SCN7A: variants seen among roughly 807,000 people sequenced by gnomAD.
SCN7A encodes the protein sodium channel protein type 7 subunit alpha.
SCN7A carries 138 observed loss-of-function variants against 155.2 expected under a neutral mutation model. The observed-to-expected ratio is 0.89, with a 90% CI of 0.77 to 1.02. The LOEUF is 1.02. Among genes scored for constraint, SCN7A ranks in the 50% least tolerant of loss-of-function variants. The probability of loss-of-function intolerance (pLI) is 0.00; values close to 1 mark genes in which losing one functional copy is unlikely to be tolerated. For missense variants in SCN7A, 2,058 were observed against 1,986.6 expected (o/e 1.04, Z -0.68); for synonymous variants, 693 against 649.0 (o/e 1.07, Z -1.03).
chr2:166,437,569 C>A (rs939985939), intron 15 of SCN7A, among the ~76,000 whole-genome samples: 8 of 152,134 alleles, frequency 5.3e-5, no homozygotes, highest in Admixed American at 4.6e-4. Context: ...ATGGTAGACA[C>A]ACTGACAGCC....
At chr2:166,408,677 C>T (rs1701129673) in intron 25 of SCN7A, among the ~76,000 whole-genome samples, 2 of 151,804 alleles carry the variant, frequency 1.3e-5, no homozygotes, top group Non-Finnish European at 2.9e-5. Context: ...TAGTTAGTTG[C>T]ATTGTTTCCA....
intron 11 of SCN7A, among the ~76,000 whole-genome samples, chr2:166,451,953 A>C (rs1465968028): frequency 6.6e-6 from 1 of 152,182 alleles, no homozygotes; most frequent in Non-Finnish European, 1.5e-5. Context: ...TTTCAGAGAT[A>C]ATACACTTTT....
intron 2 of SCN7A, among the ~76,000 whole-genome samples, chr2:166,478,050 T>C (rs16852186): frequency 0.013 from 1,950 of 151,972 alleles, 49 homozygotes; most frequent in African/African-American, 0.044. Context: ...ATTATTTCCC[T>C]GTGAGACATA....
intron 11 of SCN7A, among the ~76,000 whole-genome samples, chr2:166,453,828 C>T (rs1188429352): frequency 6.6e-6 from 1 of 152,054 alleles, no homozygotes; most frequent in Non-Finnish European, 1.5e-5. Flanking sequence ...GATCAGTGAC[C>T]TGTAGAGCCC....
At chr2:166,423,494 A>C (rs1701557031) in intron 18 of SCN7A, 62 bp from the exon 19 acceptor site, 1 of 1,439,010 alleles carries the variant, frequency 6.9e-7, no homozygotes. Context: ...AACTCTTTTG[A>C]CATAAAAGCG....
chr2:166,480,452 C>G (rs1229685976), intron 2 of SCN7A, among the ~76,000 whole-genome samples: 1 of 125,640 alleles, frequency 8.0e-6, no homozygotes, highest in Admixed American at 8.1e-5. Flanking sequence ...AGCGAGACTC[C>G]GTCTCAAAAA....
chr2:166,470,830 G>C, intron 6 of SCN7A, 124 bp from the exon 7 acceptor site: 1 of 760,662 alleles, frequency 1.3e-6, no homozygotes, highest in South Asian at 2.5e-5. Context: ...TTGATCACAT[G>C]ATTCCATATT....
At chr2:166,441,120 T>C (rs1166110699) in intron 15 of SCN7A, 1 of 437,186 alleles carries the variant, frequency 2.3e-6, no homozygotes, top group East Asian at 3.4e-5. Context: ...CCTACTATAT[T>C]ATCATTAAAA....
chr2:166,475,736 T>C (rs970696561), intron 3 of SCN7A, among the ~76,000 whole-genome samples: 11 of 151,982 alleles, frequency 7.2e-5, no homozygotes, highest in Admixed American at 3.9e-4. Context: ...ATTTAAGAGC[T>C]GAAACTGTTT....
At chr2:166,485,008 T>C (rs1409780453) in intron 2 of SCN7A, among the ~76,000 whole-genome samples, 2 of 152,060 alleles carry the variant, frequency 1.3e-5, no homozygotes, top group Non-Finnish European at 2.9e-5. Flanking sequence ...AGAATAGATT[T>C]ATAAAAATAA....
rs750841322 is a variant in SCN7A at position 166,429,165 on chromosome 2, T to G, written c.2698+4A>C. The G allele has an allele frequency of 2.0e-6, 3 of 1,507,584 alleles. No individual in the cohort carries two copies. Among genetic ancestry groups the G allele is most frequent in the Non-Finnish European group, 2.7e-6 (3 of 1,124,186 alleles). The allele number at this position is 1,507,584 out of a possible 1,614,324, so 93.4% of individuals were successfully genotyped here. ...TCCTAGCAAGATTAACAAAATTTTC[T>G]TACCATTTTTCAGATGCTTTGATCT... is the stretch of plus-strand genomic sequence containing the variant. On this transcript the variant is annotated splice_donor_region_variant and intron_variant, in intron 17 of 25. Coordinates refer to ENST00000643258, the MANE Select transcript of SCN7A (RefSeq NM_002976.4).
In SCN7A at chr2:166,462,533, A is replaced by G. The variant is rs1553519418; in HGVS notation, c.942-3T>C. 1 of 1,611,862 alleles carries G rather than the reference A, an allele frequency of 6.2e-7. No homozygotes were observed. Among genetic ancestry groups the G allele is most frequent in the South Asian group, 1.1e-5 (1 of 90,756 alleles). On this transcript the variant is annotated splice_region_variant and splice_polypyrimidine_tract_variant and intron_variant, in intron 9 of 25. Transcript: ENST00000643258. ...ACACATATCCTTCAGGACACTGACT[A>G]AAGAAGACAAAGAAAAAAACCTGCT... is the stretch of plus-strand genomic sequence containing the variant.
At chr2:166,454,303 A>C (rs1702233220) in intron 11 of SCN7A, among the ~76,000 whole-genome samples, 1 of 152,174 alleles carries the variant, frequency 6.6e-6, no homozygotes, top group African/African-American at 2.4e-5. Flanking sequence ...TCTGTGGCTT[A>C]CTCATATATA....
chr2:166,414,267 C>T (rs1482114244), intron 21 of SCN7A, among the ~76,000 whole-genome samples: 495 of 28,070 alleles, frequency 0.018, 24 homozygotes, highest in African/African-American at 0.047. Context: ...TATATATACA[C>T]ACACATATAT....
At chr2:166,478,816 T>C (rs188748061) in intron 2 of SCN7A, among the ~76,000 whole-genome samples, 1 of 152,156 alleles carries the variant, frequency 6.6e-6, no homozygotes, top group East Asian at 1.9e-4. Context: ...TCTTTACCTA[T>C]TTCAAGTTAT....
intron 9 of SCN7A, among the ~76,000 whole-genome samples, chr2:166,463,506 A>G (rs538587329): frequency 1.3e-5 from 2 of 152,346 alleles, no homozygotes; most frequent in South Asian, 4.1e-4. Flanking sequence ...TTTACCATGC[A>G]GCCAAGTATG....
chr2:166,433,558 T>G (rs181964323), intron 15 of SCN7A, among the ~76,000 whole-genome samples: 1 of 152,096 alleles, frequency 6.6e-6, no homozygotes, highest in Non-Finnish European at 1.5e-5. Context: ...TATCAAACGA[T>G]CAAAGGTTAC....
At chr2:166,470,148 G>A (rs1225499518) in intron 7 of SCN7A, among the ~76,000 whole-genome samples, 2 of 151,784 alleles carry the variant, frequency 1.3e-5, no homozygotes, top group Admixed American at 6.6e-5. Flanking sequence ...CACATTGATG[G>A]AAGATGAATT....
At chr2:166,407,355 A>G (rs1368749130) in intron 25 of SCN7A, among the ~76,000 whole-genome samples, 1 of 152,004 alleles carries the variant, frequency 6.6e-6, no homozygotes, top group East Asian at 1.9e-4. Flanking sequence ...TAATTCATTA[A>G]AGGTATAAGA....
Sources: gnomAD v4.1 joint callset for allele counts (sites outside exome capture counted in the v4.1 genomes callset) on GRCh38, gnomAD v4.1.1 for gene constraint, MANE v1.5 for transcripts, NCBI Gene and HGNC (gene_info 2026-07-23, HGNC 2026-07-21) for gene names.